The following TMEM108 variants were observed in gnomAD, a reference collection of about 807,000 sequenced individuals.
TMEM108 encodes the protein cancer/testis antigen 124.
In TMEM108, 12 loss-of-function variants were observed where a neutral mutation model predicts 35.1. The observed-to-expected ratio is 0.34, with a 90% CI of 0.22 to 0.55. The LOEUF (loss-of-function observed/expected upper bound fraction) is 0.55. TMEM108 is among the 20% of genes least tolerant of loss of function. The pLI is 0.89. For missense variants in TMEM108, 680 were observed against 753.3 expected (o/e 0.90, Z 1.14); for synonymous variants, 287 against 308.6 (o/e 0.93, Z 0.73).
intron 2 of TMEM108, among the ~76,000 whole-genome samples, chr3:133,203,143 G>T (rs1316823660): frequency 1.3e-5 from 2 of 152,146 alleles, no homozygotes; most frequent in African/African-American, 4.8e-5. Flanking sequence ...CGTTGATTTT[G>T]TATCCTGAGA....
intron 3 of TMEM108, among the ~76,000 whole-genome samples, chr3:133,339,869 A>G (rs1414157341): frequency 6.6e-6 from 1 of 151,930 alleles, no homozygotes; most frequent in Non-Finnish European, 1.5e-5. Context: ...TCAATGAAGA[A>G]ATCAGAAGGA....
chr3:133,203,595 G>A (rs1173820703), intron 2 of TMEM108, among the ~76,000 whole-genome samples: 4 of 152,118 alleles, frequency 2.6e-5, no homozygotes, highest in East Asian at 1.9e-4. Flanking sequence ...GATGGAGTAC[G>A]TTCATTGATT....
At chr3:133,241,260 C>G (rs1946308621) in intron 3 of TMEM108, among the ~76,000 whole-genome samples, 1 of 152,214 alleles carries the variant, frequency 6.6e-6, no homozygotes, top group Non-Finnish European at 1.5e-5. Flanking sequence ...GCTAGAACCC[C>G]AAAAGCCCCC....
chr3:133,150,176 CCTTT>C (rs1944777574), intron 2 of TMEM108, among the ~76,000 whole-genome samples: 1 of 152,004 alleles, frequency 6.6e-6, no homozygotes, highest in Non-Finnish European at 1.5e-5. Flanking sequence ...TTGATAACAG[CCTTT>C]CTAATAGATA....
intron 3 of TMEM108, among the ~76,000 whole-genome samples, chr3:133,354,643 C>T (rs997511931): frequency 1.3e-5 from 2 of 152,036 alleles, no homozygotes; most frequent in Non-Finnish European, 2.9e-5. Flanking sequence ...AGAGGTTGGC[C>T]ATATAGCAGG....
At chr3:133,242,538 G>T (rs1049360742) in intron 3 of TMEM108, among the ~76,000 whole-genome samples, 5 of 152,178 alleles carry the variant, frequency 3.3e-5, no homozygotes, top group African/African-American at 1.2e-4. Flanking sequence ...AGGGTGTGTG[G>T]GGACTGAGTG....
chr3:133,297,406 A>T (rs552127393), intron 3 of TMEM108, among the ~76,000 whole-genome samples: 1 of 152,364 alleles, frequency 6.6e-6, no homozygotes, highest in Non-Finnish European at 1.5e-5. Flanking sequence ...TGGACGAAGT[A>T]CAGTGAAAGA....
chr3:133,148,468 A>T (rs894400517), intron 2 of TMEM108, among the ~76,000 whole-genome samples: 3 of 148,736 alleles, frequency 2.0e-5, no homozygotes, highest in Admixed American at 6.6e-5. Flanking sequence ...AATTAATAAT[A>T]AAAAAAAATC....
At chr3:133,124,698 A>G (rs1944393288) in intron 2 of TMEM108, 1 of 152,320 alleles carries the variant, frequency 6.6e-6, no homozygotes, top group Non-Finnish European at 1.5e-5. Context: ...GGCAAGTTAA[A>G]GTAATTCAGC....
chr3:133,371,639 A>C (rs1002180980), intron 3 of TMEM108, among the ~76,000 whole-genome samples: 5 of 136,026 alleles, frequency 3.7e-5, no homozygotes, highest in East Asian at 2.2e-4. Flanking sequence ...AAAAAAAAAA[A>C]CCCACCCAGA....
At chr3:133,258,419 G>C (rs775085391) in intron 3 of TMEM108, among the ~76,000 whole-genome samples, 3 of 152,184 alleles carry the variant, frequency 2.0e-5, no homozygotes, top group Non-Finnish European at 4.4e-5. Context: ...CATACCATGT[G>C]GTGGGCCCAG....
At chr3:133,040,984 A>T (rs140360183) in intron 1 of TMEM108, among the ~76,000 whole-genome samples, 54 of 152,304 alleles carry the variant, frequency 3.5e-4, no homozygotes, top group African/African-American at 1.3e-3. Context: ...GAGCCTTCAT[A>T]TTGAGAGGGA....
chr3:133,084,203 A>G (rs539553720), intron 2 of TMEM108, among the ~76,000 whole-genome samples: 12 of 152,284 alleles, frequency 7.9e-5, no homozygotes, highest in African/African-American at 2.9e-4. Context: ...ATTCAGCTTC[A>G]ACATTTACCC....
chr3:133,148,357 G>A (rs529292549), intron 2 of TMEM108, among the ~76,000 whole-genome samples: 1 of 152,264 alleles, frequency 6.6e-6, no homozygotes, highest in East Asian at 1.9e-4. Context: ...AAATATAATA[G>A]CTACTTTTCT....
chr3:133,329,436 T>C (rs551152996), intron 3 of TMEM108, among the ~76,000 whole-genome samples: 3 of 152,302 alleles, frequency 2.0e-5, no homozygotes, highest in East Asian at 3.9e-4. Context: ...GGCAGGTGAC[T>C]GGCAGAATTT....
At chr3:133,235,405 A>G (rs779520948) in intron 3 of TMEM108, among the ~76,000 whole-genome samples, 4 of 152,194 alleles carry the variant, frequency 2.6e-5, no homozygotes, top group Admixed American at 1.3e-4. Flanking sequence ...CAAAACAGAG[A>G]TATAGATCAG....
chr3:133,340,878 A>G (rs539372980), intron 3 of TMEM108, among the ~76,000 whole-genome samples: 1 of 151,990 alleles, frequency 6.6e-6, no homozygotes, highest in East Asian at 1.9e-4. Flanking sequence ...CATGATAAAA[A>G]CCCTCAAAAA....
At chr3:133,207,201 A>T (rs878881315) in intron 2 of TMEM108, among the ~76,000 whole-genome samples, 1 of 152,114 alleles carries the variant, frequency 6.6e-6, no homozygotes, top group Admixed American at 6.5e-5. Flanking sequence ...GTTCCTCAGG[A>T]TACAGTCCCT....
At chr3:133,092,826 C>T (rs1466241458) in intron 2 of TMEM108, among the ~76,000 whole-genome samples, 1 of 152,068 alleles carries the variant, frequency 6.6e-6, no homozygotes, top group African/African-American at 2.4e-5. Context: ...TTCATAGAGG[C>T]ATCAAGTATT....
Sources: gnomAD v4.1 joint callset for allele counts (sites outside exome capture counted in the v4.1 genomes callset) on GRCh38, gnomAD v4.1.1 for gene constraint, MANE v1.5 for transcripts, NCBI Gene and HGNC (gene_info 2026-07-23, HGNC 2026-07-21) for gene names.